The following JMJD1C variants were observed in gnomAD, a reference collection of about 807,000 sequenced individuals.
The protein encoded by JMJD1C is jumonji domain-containing protein 1C.
In JMJD1C, 31 loss-of-function variants were observed where a neutral mutation model predicts 245.3. The observed-to-expected ratio is 0.13, with a 90% CI of 0.09 to 0.17. The LOEUF (loss-of-function observed/expected upper bound fraction) is 0.17. Ranked by LOEUF, JMJD1C falls within the 10% of genes least tolerant of loss-of-function variation. The pLI is 1.00. For missense variants in JMJD1C, 2,691 were observed against 3,000.2 expected (o/e 0.90, Z 2.41); for synonymous variants, 1,057 against 1,017.4 (o/e 1.04, Z -0.74).
chr10:63,300,523 GTTTC>G (rs1313622318), intron 2 of JMJD1C, among the ~76,000 whole-genome samples: 5 of 152,092 alleles, frequency 3.3e-5, no homozygotes, highest in African/African-American at 7.2e-5. Flanking sequence ...AATCTTTGCT[GTTTC>G]TTTGTCTGAA....
At chr10:63,265,390 A>C (rs1855438047) in intron 2 of JMJD1C, among the ~76,000 whole-genome samples, 1 of 151,950 alleles carries the variant, frequency 6.6e-6, no homozygotes, top group African/African-American at 2.4e-5. Flanking sequence ...GTCAAGTCCA[A>C]ATCTCCACTA....
intron 7 of JMJD1C, 54 bp downstream of exon 7, chr10:63,215,209 A>C: frequency 6.5e-7 from 1 of 1,530,550 alleles, no homozygotes; most frequent in South Asian, 1.2e-5. Context: ...ATATTTTAAA[A>C]TGTATTTTTG....
chr10:63,426,538 G>A (rs1950449803), intron 1 of JMJD1C, among the ~76,000 whole-genome samples: 1 of 152,122 alleles, frequency 6.6e-6, no homozygotes, highest in Non-Finnish European at 1.5e-5. Context: ...GGGCGTGGTG[G>A]TGCGCGCCTG....
chr10:63,308,260 T>C (rs1938575255), intron 2 of JMJD1C, among the ~76,000 whole-genome samples: 1 of 152,162 alleles, frequency 6.6e-6, no homozygotes. Flanking sequence ...GACAGATCCT[T>C]ACCATCTATG....
chr10:63,493,926 AAGAG>A (rs770344687), intron 1 of JMJD1C, among the ~76,000 whole-genome samples: 3 of 152,180 alleles, frequency 2.0e-5, no homozygotes, highest in South Asian at 2.1e-4. Flanking sequence ...AATAAAAACA[AAGAG>A]AGAGAGAAAC....
chr10:63,186,388 T>C lies in JMJD1C; in HGVS notation c.6571-5A>G. The C allele has an allele frequency of 1.3e-6, 2 of 1,574,374 alleles. No homozygotes were observed. Among genetic ancestry groups the C allele is most frequent in the Admixed American group, 1.9e-5 (1 of 51,840 alleles). ...CACACCAGAAACCACTGCAGGCTTA[T>C]AAATAGATAAATAAATAACAGTTAA... On this transcript the variant is annotated splice_polypyrimidine_tract_variant and splice_region_variant and intron_variant, in intron 18 of 25. Coordinates refer to ENST00000399262, the MANE Select transcript of JMJD1C (RefSeq NM_032776.3).
Position 63,214,318 on chromosome 10 carries a change from T to C in JMJD1C, c.1849A>G (p.Ser617Gly). ...SVMEDKLHKR[S>G]PPPETIKSKL... ...GATTTTATAGTCTCTGGAGGTGGAC[T>C]TCGCTTATGCAGCTTATCTTCCATG... The change falls in exon 8 of 26, where the codon AGT becomes GGT. Residue 617 changes from serine (S) to glycine (G), a missense_variant. By Grantham distance (56) the Ser-to-Gly change is moderately conservative (BLOSUM62 0). Coordinates refer to ENST00000399262, the MANE Select transcript of JMJD1C (RefSeq NM_032776.3). 1 of 1,614,050 alleles carries C rather than the reference T, an allele frequency of 6.2e-7. No individual in the cohort carries two copies. The highest frequency in any genetic ancestry group is 8.5e-7 in the Non-Finnish European group (1 of 1,179,938).
At chr10:63,419,845 A>C (rs1950019423) in intron 1 of JMJD1C, among the ~76,000 whole-genome samples, 1 of 150,840 alleles carries the variant, frequency 6.6e-6, no homozygotes, top group African/African-American at 2.4e-5. Flanking sequence ...AAAAAAAAAA[A>C]AAAAAAAAAA....
At chr10:63,448,424 T>G (rs1376448679) in intron 1 of JMJD1C, among the ~76,000 whole-genome samples, 23 of 152,222 alleles carry the variant, frequency 1.5e-4, no homozygotes, top group Admixed American at 1.5e-3. Flanking sequence ...CCCAAAGTGC[T>G]GGAATTACAG....
chr10:63,334,784 C>G (rs1443634859), intron 2 of JMJD1C, among the ~76,000 whole-genome samples: 1 of 151,604 alleles, frequency 6.6e-6, no homozygotes, highest in Non-Finnish European at 1.5e-5. Flanking sequence ...TCTCAGCTTA[C>G]TGCAACCTCC....
intron 2 of JMJD1C, among the ~76,000 whole-genome samples, chr10:63,351,074 A>G (rs187389211): frequency 6.8e-6 from 1 of 147,946 alleles, no homozygotes; most frequent in African/African-American, 2.5e-5. Context: ...ACAAACAGAA[A>G]TTTTTCTTTT....
chr10:63,270,112 C>G (rs1856099111), intron 2 of JMJD1C, among the ~76,000 whole-genome samples: 1 of 152,066 alleles, frequency 6.6e-6, no homozygotes, highest in Non-Finnish European at 1.5e-5. Flanking sequence ...AATTTAAAAT[C>G]ACACATGTAG....
At chr10:63,421,290 C>A (rs1950113038) in intron 1 of JMJD1C, among the ~76,000 whole-genome samples, 1 of 152,108 alleles carries the variant, frequency 6.6e-6, no homozygotes, top group South Asian at 2.1e-4. Flanking sequence ...GCCGAGATCG[C>A]CCCATTGCAC....
chr10:63,323,754 A>C (rs753151113), intron 2 of JMJD1C, among the ~76,000 whole-genome samples: 5 of 152,154 alleles, frequency 3.3e-5, no homozygotes, highest in Non-Finnish European at 5.9e-5. Flanking sequence ...TTTGTATTAG[A>C]GTTCTCCACA....
At chr10:63,305,366 C>CA (rs758005863) in intron 2 of JMJD1C, among the ~76,000 whole-genome samples, 12,192 of 106,242 alleles carry the variant, frequency 0.11, 2,660 homozygotes, top group African/African-American at 0.34. Flanking sequence ...GACTCCACCT[C>CA]AAAAAAAAAA....
At chr10:63,374,925 C>T (rs1946603132) in intron 2 of JMJD1C, among the ~76,000 whole-genome samples, 2 of 152,080 alleles carry the variant, frequency 1.3e-5, no homozygotes, top group South Asian at 4.1e-4. Flanking sequence ...GTTGTGAAGT[C>T]TTTATGGTTT....
chr10:63,465,615 A>G lies in JMJD1C; in HGVS notation c.48T>C (p.Cys16=). 1 of 1,610,184 alleles carries G rather than the reference A, an allele frequency of 6.2e-7. No individual in the cohort carries two copies. The highest frequency in any genetic ancestry group is 8.5e-7 in the Non-Finnish European group (1 of 1,179,888). Residue 16 remains cysteine (C), a synonymous_variant, in exon 1 of 26, where the codon TGT becomes TGC. Coordinates refer to ENST00000399262, the MANE Select transcript of JMJD1C (RefSeq NM_032776.3). Reference sequence around the variant, plus strand: ...AACGTGCCTCGTCGCCGACCGCCACACACAGGAACCGCTTACCCACCAGCT... The same window carrying G: ...AACGTGCCTCGTCGCCGACCGCCACGCACAGGAACCGCTTACCCACCAGCT... ...RAELVGKRFL[C]VAVGDEARSE...
intron 4 of JMJD1C, among the ~76,000 whole-genome samples, 171 bp downstream of exon 4, chr10:63,219,707 C>T (rs78409764): frequency 0.013 from 1,999 of 152,230 alleles, 30 homozygotes; most frequent in African/African-American, 0.034. Flanking sequence ...GTGAAATTAT[C>T]AACTTTCTAT....
chr10:63,435,679 T>A lies in JMJD1C; in HGVS notation c.168+29816A>T, dbSNP rs150343707. On this transcript the variant is annotated intron_variant, in intron 1 of 25. Transcript: ENST00000399262. ...CTTTGGGAGGCTGAGGCGCGTGGAC[T>A]GGCTGAGGTCAGGAGTTCGACACGA... is the stretch of plus-strand genomic sequence containing the variant. Among the ~76,000 whole-genome samples, 5 of 152,226 alleles carry A rather than the reference T, an allele frequency of 3.3e-5. No homozygotes were observed. In the South Asian group the frequency reaches 6.2e-4, roughly 19 times the overall value.
Sources: gnomAD v4.1 joint callset for allele counts (sites outside exome capture counted in the v4.1 genomes callset) on GRCh38, gnomAD v4.1.1 for gene constraint, MANE v1.5 for transcripts, NCBI Gene and HGNC (gene_info 2026-07-23, HGNC 2026-07-21) for gene names.